GCSAML: variants seen among roughly 807,000 people sequenced by gnomAD.
GCSAML encodes the protein germinal center associated signaling and motility like, also known as germinal center-associated signaling and motility-like protein.
GCSAML carries 9 observed loss-of-function variants against 13.0 expected under a neutral mutation model. The observed-to-expected ratio is 0.69, with a 90% CI of 0.42 to 1.21. GCSAML has a LOEUF of 1.21. GCSAML is among the 50% of genes most tolerant of loss of function. The pLI is 0.00. For synonymous variants in GCSAML, 37 were observed against 52.9 expected (o/e 0.70, Z 1.31); for missense variants, 143 against 153.4 (o/e 0.93, Z 0.36).
chr1:247,534,613 A>T (rs140401691), intron 2 of GCSAML, among the ~76,000 whole-genome samples: 1 of 152,332 alleles, frequency 6.6e-6, no homozygotes, highest in East Asian at 1.9e-4. Context: ...TTTGCAAAAC[A>T]TTAATTCTAG....
intron 1 of GCSAML, among the ~76,000 whole-genome samples, chr1:247,509,600 C>T (rs1407731427): frequency 6.6e-6 from 1 of 152,238 alleles, no homozygotes; most frequent in East Asian, 1.9e-4. Flanking sequence ...GAAAATGCTT[C>T]CAGCTTTTGC....
Position 247,574,336 on chromosome 1 carries a change from G to A in GCSAML, c.362G>A (p.Cys121Tyr), listed in dbSNP as rs1297722266. The A allele has an allele frequency of 6.2e-7, 1 of 1,614,072 alleles. No individual in the cohort carries two copies. The highest frequency in any genetic ancestry group is 1.7e-5 in the Admixed American group (1 of 60,016). ...ALLRTSVSRP[C>Y]SCTHEHDYEV... ...CTTAGGACTTCTGTTAGTAGGCCTT[G>A]TTCCTGCACCCATGAGCATGATTAT... is the stretch of plus-strand genomic sequence containing the variant. Residue 121 changes from cysteine to tyrosine, a missense_variant, in exon 5 of 5, where the codon TGT (cysteine) becomes TAT (tyrosine). Coordinates refer to ENST00000366488, the MANE Select transcript of GCSAML (RefSeq NM_145278.5).
At chr1:247,510,759 G>C (rs1666007705) in intron 1 of GCSAML, among the ~76,000 whole-genome samples, 1 of 152,150 alleles carries the variant, frequency 6.6e-6, no homozygotes, top group South Asian at 2.1e-4. Context: ...TATTTACCCA[G>C]TAGTCATTCA....
chr1:247,543,039 T>C (rs1667459570), intron 2 of GCSAML, among the ~76,000 whole-genome samples: 1 of 152,180 alleles, frequency 6.6e-6, no homozygotes, highest in Admixed American at 6.5e-5. Flanking sequence ...AACTGCAGGA[T>C]CTAATCAACA....
intron 1 of GCSAML, among the ~76,000 whole-genome samples, chr1:247,522,930 A>C (rs1389197556): frequency 3.3e-5 from 5 of 152,128 alleles, no homozygotes; most frequent in African/African-American, 7.2e-5. Flanking sequence ...AAAAAAAAAA[A>C]AAAAACCATA....
In GCSAML at chr1:247,566,236, A is replaced by T. The variant is rs536629288; in HGVS notation, c.168+277A>T. Among the ~76,000 whole-genome samples the T allele has an allele frequency of 3.3e-5, 5 of 152,046 alleles. No individual in the cohort carries two copies. The South Asian group carries it at 1.0e-3, about 32-fold the overall frequency. ...TTTGGCCTCAATTCTGCTGAAGTCT[A>T]ATTTTATTTATTTATTTATTTTTTG... On this transcript the variant is annotated intron_variant, in intron 4 of 4. Transcript: ENST00000366488.
intron 1 of GCSAML, among the ~76,000 whole-genome samples, chr1:247,553,132 T>G (rs1030822545): frequency 3.3e-5 from 5 of 152,244 alleles, no homozygotes; most frequent in African/African-American, 1.2e-4. Context: ...TAATGCATTC[T>G]GATAGAGCTT....
In GCSAML at chr1:247,558,997, T is replaced by A. The variant is rs1668039159; in HGVS notation, c.89+2531T>A. Among the ~76,000 whole-genome samples the A allele has an allele frequency of 3.9e-5, 6 of 152,310 alleles. No individual in the cohort carries two copies. The South Asian group carries it at 1.2e-3, about 32-fold the overall frequency. On this transcript the variant is annotated intron_variant, in intron 2 of 4. Transcript: ENST00000366488. ...TTAACTTTGAGACAAGTTACTTACATTCTCTAAATTTTGGGTTCTTCATAT... is the reference window on the plus strand; with the variant it reads ...TTAACTTTGAGACAAGTTACTTACAATCTCTAAATTTTGGGTTCTTCATAT...
intron 2 of GCSAML, among the ~76,000 whole-genome samples, chr1:247,562,888 G>A (rs568069266): frequency 1.3e-5 from 2 of 151,866 alleles, no homozygotes; most frequent in East Asian, 1.9e-4. Context: ...TCACCAGGCT[G>A]GAGTGCAGTG....
chr1:247,556,769 C>A (rs1572355995), intron 2 of GCSAML, among the ~76,000 whole-genome samples: 1 of 152,120 alleles, frequency 6.6e-6, no homozygotes, highest in Non-Finnish European at 1.5e-5. Context: ...TATTTCCCAC[C>A]TTTTCCTTAC....
chr1:247,554,109 T>C (rs780035411), intron 1 of GCSAML, among the ~76,000 whole-genome samples: 5 of 152,216 alleles, frequency 3.3e-5, no homozygotes, highest in Non-Finnish European at 7.3e-5. Flanking sequence ...ATTTTACATT[T>C]CTCTACTTTC....
intron 2 of GCSAML, among the ~76,000 whole-genome samples, chr1:247,532,880 G>C (rs1667056617): frequency 6.6e-6 from 1 of 151,494 alleles, no homozygotes; most frequent in Admixed American, 6.6e-5. Context: ...TGGGTGGGGG[G>C]TGTTCACTGT....
At chr1:247,522,935 AC>A (rs1261445207) in intron 1 of GCSAML, among the ~76,000 whole-genome samples, 2 of 143,140 alleles carry the variant, frequency 1.4e-5, no homozygotes, top group Admixed American at 6.9e-5. Flanking sequence ...AAAAAAAAAA[AC>A]CATAACGTAT....
In GCSAML at chr1:247,508,782, C is replaced by T. The variant is rs1229342519; in HGVS notation, c.-263+1549C>T. Among the ~76,000 whole-genome samples, 14 of 152,274 alleles carry T rather than the reference C, an allele frequency of 9.2e-5. No individual in the cohort carries two copies. The East Asian group carries it at 2.1e-3, about 23-fold the overall frequency. On this transcript the variant is annotated intron_variant, in intron 1 of 5. Transcript: ENST00000366489. Reference sequence around the variant, plus strand: ...TTAAGAAGGAATTCTTTCCCCATTGCTTGTTTTTGTCAGGTTTGTCAAAGA... The same window carrying T: ...TTAAGAAGGAATTCTTTCCCCATTGTTTGTTTTTGTCAGGTTTGTCAAAGA...
At chr1:247,555,267 G>T (rs1667910161) in intron 1 of GCSAML, among the ~76,000 whole-genome samples, 1 of 152,140 alleles carries the variant, frequency 6.6e-6, no homozygotes, top group African/African-American at 2.4e-5. Context: ...TTATTGACCA[G>T]TTTAGGAAGA....
chr1:247,537,055 C>T (rs1264233634), intron 2 of GCSAML, among the ~76,000 whole-genome samples: 2 of 152,282 alleles, frequency 1.3e-5, no homozygotes, highest in Admixed American at 6.5e-5. Context: ...TGTACCATCA[C>T]CTCTATCAAG....
chr1:247,521,571 G>A (rs1222242680), intron 1 of GCSAML, among the ~76,000 whole-genome samples: 9 of 152,192 alleles, frequency 5.9e-5, no homozygotes, highest in East Asian at 5.8e-4. Context: ...TGGTGGAGAC[G>A]GGGTTTCGCT....
intron 1 of GCSAML, among the ~76,000 whole-genome samples, chr1:247,552,838 C>T (rs1358733809): frequency 2.2e-5 from 3 of 135,636 alleles, no homozygotes; most frequent in Non-Finnish European, 4.5e-5. Flanking sequence ...TCACTGCAAC[C>T]TCCACCTTCC....
chr1:247,545,597 C>T (rs370492364), upstream of GCSAML, among the ~76,000 whole-genome samples: 2 of 152,224 alleles, frequency 1.3e-5, no homozygotes, highest in South Asian at 2.1e-4. Context: ...GAGCCCTCAT[C>T]GTGGTTTTGA....
Sources: allele counts gnomAD v4.1 joint callset (sites outside exome capture counted in the v4.1 genomes callset), GRCh38; gene constraint gnomAD v4.1.1; transcripts MANE v1.5; gene names NCBI Gene and HGNC (gene_info 2026-07-23, HGNC 2026-07-21).